Variants in TJP1 observed in about 807,000 individuals in gnomAD.
TJP1 encodes tight junction protein ZO-1.
TJP1 carries 43 observed loss-of-function variants against 194.2 expected under a neutral mutation model. The ratio of observed to expected loss-of-function variants is 0.22; its 90% confidence interval spans 0.17 to 0.29. TJP1 has a LOEUF of 0.29. Among genes scored for constraint, TJP1 ranks in the 10% least tolerant of loss-of-function variants. The probability of loss-of-function intolerance (pLI) is 1.00; values close to 1 mark genes in which losing one functional copy is unlikely to be tolerated. For missense variants in TJP1, 1,971 were observed against 2,185.7 expected (o/e 0.90, Z 1.96); for synonymous variants, 801 against 779.0 (o/e 1.03, Z -0.47).
intron 2 of TJP1, among the ~76,000 whole-genome samples, chr15:29,851,513 G>A (rs909289080): frequency 1.3e-5 from 2 of 152,034 alleles, no homozygotes; most frequent in African/African-American, 4.8e-5. Context: ...AGGGCCAGAT[G>A]GTTTCACTAG....
intron 2 of TJP1, among the ~76,000 whole-genome samples, chr15:29,930,003 A>C (rs963175401): frequency 1.3e-5 from 2 of 152,314 alleles, no homozygotes; most frequent in Non-Finnish European, 2.9e-5. Flanking sequence ...CAATTCCAAA[A>C]ATAAGTAACA....
intron 2 of TJP1, among the ~76,000 whole-genome samples, chr15:29,875,391 G>A (rs929996433): frequency 3.9e-5 from 6 of 151,982 alleles, no homozygotes; most frequent in East Asian, 1.9e-4. Flanking sequence ...AATTACAGCC[G>A]GCCTTATTGT....
chr15:29,925,788 T>G (rs1464796926), intron 2 of TJP1, among the ~76,000 whole-genome samples: 1 of 152,168 alleles, frequency 6.6e-6, no homozygotes, highest in Non-Finnish European at 1.5e-5. Flanking sequence ...AATTCAACAC[T>G]GAAAGGGTAA....
chr15:29,754,848 G>A (rs1024539748), intron 8 of TJP1, among the ~76,000 whole-genome samples: 2 of 152,108 alleles, frequency 1.3e-5, no homozygotes, highest in Admixed American at 1.3e-4. Flanking sequence ...GATTACCTAC[G>A]CTCAACCTGT....
chr15:29,777,813 T>C (rs575135322), intron 2 of TJP1, among the ~76,000 whole-genome samples: 15 of 152,312 alleles, frequency 9.8e-5, no homozygotes, highest in African/African-American at 3.1e-4. Flanking sequence ...AGGTTATTCA[T>C]TGCAGACTGT....
intron 8 of TJP1, among the ~76,000 whole-genome samples, chr15:29,744,068 A>C (rs763744312): frequency 1.6e-4 from 24 of 152,068 alleles, no homozygotes; most frequent in Non-Finnish European, 3.2e-4. Context: ...AGTCCCAGCT[A>C]CTCGTGAGGC....
In TJP1 at chr15:29,734,254, A is replaced by G; in HGVS notation, c.1516+20T>C. ...CAAACTCTACAGGTTTATCTCCTCC[A>G]TTTTCTGACAGCATCTCACCATCCT... On this transcript the variant is annotated intron_variant, in intron 12 of 27. Coordinates refer to ENST00000614355, the MANE Select transcript of TJP1 (RefSeq NM_001330239.4). 6.5e-7 allele frequency: 1 copy of G among 1,549,392 alleles called. No individual in the cohort carries two copies. The highest frequency in any genetic ancestry group is 1.2e-5 in the South Asian group (1 of 84,862).
chr15:29,701,548 T>G lies in TJP1; in HGVS notation c.*47A>C. ...CTTGATAGAGTGGTTCCATTTAGAT[T>G]AAGTTTAATCCAGTTTCACATTATT... On this transcript the variant is annotated 3_prime_UTR_variant, in exon 28 of 28. Transcript: ENST00000614355. 1 of 1,484,882 alleles carries G rather than the reference T, an allele frequency of 6.7e-7. No individual in the cohort carries two copies. Among genetic ancestry groups the G allele is most frequent in the Non-Finnish European group, 9.4e-7 (1 of 1,064,900 alleles). The allele number at this position is 1,484,882 out of a possible 1,614,324, so 92.0% of individuals were successfully genotyped here. A position where few individuals can be genotyped will look rare whatever the true frequency, so the allele number is the denominator to read the frequency against.
At chr15:29,804,042 C>CA (rs1029960862) in intron 1 of TJP1, among the ~76,000 whole-genome samples, 3 of 148,712 alleles carry the variant, frequency 2.0e-5, no homozygotes, top group Non-Finnish European at 4.5e-5. Context: ...AAAAAAAAAA[C>CA]AAAAAACAGA....
Position 29,729,019 on chromosome 15 carries a change from A to G in TJP1, c.2018-1000T>C, listed in dbSNP as rs975975355. On this transcript the variant is annotated intron_variant, in intron 15 of 27. Transcript: ENST00000614355. ...TTGTGGAGTAAACCTGATTAAACCA[A>G]TGTATTACCCTTTAAGGCAGAGCTT... 2.0e-5 allele frequency: 3 copies of G among 152,368 alleles called. No individual in the cohort carries two copies. The East Asian group carries it at 5.8e-4, about 29-fold the overall frequency. 9.4% of individuals were successfully genotyped at this position (152,368 alleles called of 1,614,324 possible).
In TJP1 at chr15:29,718,391, T is replaced by C; in HGVS notation, c.3751A>G (p.Thr1251Ala). The change falls in exon 21 of 28, where the codon ACC (threonine) becomes GCC (alanine). Residue 1251 changes from threonine (T) to alanine (A), a missense_variant. This residue lies in a region of TJP1 where 1,108 missense variants were observed against 1,128.5 expected (regional missense o/e 0.98). Coordinates refer to ENST00000614355, the MANE Select transcript of TJP1 (RefSeq NM_001330239.4). ...TKPLPPPPTQ[T>A]EEEEDPAMKP... ...ATTGCTGGATCTTCCTCTTCTTCGG[T>C]TTGAGTTGGGGGTGGAGGCAGTGGT... is the stretch of plus-strand genomic sequence containing the variant. 6 of 1,613,988 alleles carry C rather than the reference T, an allele frequency of 3.7e-6. No homozygotes were observed. The highest frequency in any genetic ancestry group is 5.1e-6 in the Non-Finnish European group (6 of 1,179,982).
At chr15:29,758,853 T>C (rs905715978) in intron 8 of TJP1, 1 of 152,166 alleles carries the variant, frequency 6.6e-6, no homozygotes, top group Non-Finnish European at 1.5e-5. Context: ...TAATATTCCT[T>C]TAAAAAATCA....
At chr15:29,762,924 A>T (rs937364051) in intron 5 of TJP1, among the ~76,000 whole-genome samples, 41 of 152,202 alleles carry the variant, frequency 2.7e-4, no homozygotes, top group Admixed American at 2.6e-3. Flanking sequence ...TCTAAAGAGT[A>T]AACTGCTTGA....
intron 2 of TJP1, among the ~76,000 whole-genome samples, chr15:29,889,930 A>G (rs1198733343): frequency 6.6e-6 from 1 of 152,262 alleles, no homozygotes; most frequent in African/African-American, 2.4e-5. Flanking sequence ...AGTAGAATTA[A>G]TATCTTTCCC....
chr15:29,841,949 A>G (rs2051240938), intron 2 of TJP1, among the ~76,000 whole-genome samples: 1 of 152,284 alleles, frequency 6.6e-6, no homozygotes, highest in Non-Finnish European at 1.5e-5. Flanking sequence ...GAATTCCCAT[A>G]AGTAGGAACA....
At chr15:29,817,637 T>C (rs1376953734) in intron 1 of TJP1, among the ~76,000 whole-genome samples, 19 of 152,186 alleles carry the variant, frequency 1.2e-4, no homozygotes, top group Admixed American at 1.2e-3. Context: ...ATATACACCA[T>C]GGTATACTAT....
chr15:29,930,915 CATAAAA>C (rs989657035), intron 2 of TJP1, among the ~76,000 whole-genome samples: 6 of 152,090 alleles, frequency 3.9e-5, no homozygotes, highest in African/African-American at 9.7e-5. Flanking sequence ...TAGACATGAG[CATAAAA>C]ATAAAAATAT....
intron 1 of TJP1, among the ~76,000 whole-genome samples, chr15:29,813,111 T>C (rs1018455831): frequency 1.3e-5 from 2 of 152,192 alleles, no homozygotes; most frequent in African/African-American, 4.8e-5. Context: ...ATTCATGTAT[T>C]TCCCCTGATT....
At chr15:29,949,865 ACCTCCACCT>A (rs2055585736) in intron 2 of TJP1, among the ~76,000 whole-genome samples, 2 of 69,390 alleles carry the variant, frequency 2.9e-5, no homozygotes, top group Non-Finnish European at 2.7e-5. Flanking sequence ...CACAACCACC[ACCTCCACCT>A]CCACAACCAC....
Sources: allele counts gnomAD v4.1 joint callset (sites outside exome capture counted in the v4.1 genomes callset), GRCh38; gene constraint gnomAD v4.1.1; regional missense constraint gnomAD v4.1.1; transcripts MANE v1.5; gene names NCBI Gene and HGNC (gene_info 2026-07-23, HGNC 2026-07-21).